The following MRPS5 variants were observed in gnomAD, a reference collection of about 807,000 sequenced individuals.
MRPS5 encodes small ribosomal subunit protein uS5m.
Under a neutral mutation model 51.9 loss-of-function variants are expected in MRPS5, and 27 were observed. The observed-to-expected ratio is 0.52, with a 90% CI of 0.38 to 0.72. The LOEUF (loss-of-function observed/expected upper bound fraction) is 0.72, where lower values mean the gene tolerates loss of function less well. Among genes scored for constraint, MRPS5 ranks in the 30% least tolerant of loss-of-function variants. The probability of loss-of-function intolerance (pLI) is 0.00; values close to 1 mark genes in which losing one functional copy is unlikely to be tolerated. For missense variants in MRPS5, 570 were observed against 545.7 expected (o/e 1.04, Z -0.44); for synonymous variants, 196 against 193.2 (o/e 1.01, Z -0.12).
chr2:95,085,656 G>A lies in MRPS5; in HGVS notation c.*1701C>T, dbSNP rs1430215009. 3.9e-5 allele frequency among the ~76,000 whole-genome samples: 6 copies of A among 152,048 alleles called. No homozygotes were observed. The highest frequency in any genetic ancestry group is 1.9e-4 in the East Asian group (1 of 5,184). ...GCAGAAAGGCCTCAGCAGAGGTCCCGAGGACAGCGACAGGAGGAAACCTGG... is the reference window on the plus strand; with the variant it reads ...GCAGAAAGGCCTCAGCAGAGGTCCCAAGGACAGCGACAGGAGGAAACCTGG... On this transcript the variant is annotated 3_prime_UTR_variant, in exon 12 of 12. Transcript: ENST00000272418.
chr2:95,087,079 C>T lies in MRPS5; in HGVS notation c.*278G>A, dbSNP rs941554851. 3.0e-6 allele frequency: 1 copy of T among 337,370 alleles called. No individual in the cohort carries two copies. The highest frequency in any genetic ancestry group is 2.1e-5 in the African/African-American group (1 of 47,392). The allele number at this position is 337,370 out of a possible 1,614,324, so 20.9% of individuals were successfully genotyped here. A position where few individuals can be genotyped will look rare whatever the true frequency, so the allele number is the denominator to read the frequency against. On this transcript the variant is annotated 3_prime_UTR_variant, in exon 12 of 12. Coordinates refer to ENST00000272418, the MANE Select transcript of MRPS5 (RefSeq NM_031902.5). ...TTGTGTACATTATTACTGATTGGGT[C>T]AAATTATTAACCCCGTCTCCCTAAT...
At chr2:95,100,749 C>T (rs1675771274) in intron 9 of MRPS5, 88 bp downstream of exon 9, 17 of 1,064,330 alleles carry the variant, frequency 1.6e-5, no homozygotes, top group Middle Eastern at 4.1e-4. Flanking sequence ...GAGAGAAACA[C>T]AAAGATACCT....
At chr2:95,115,425 G>A (rs969999748) in intron 2 of MRPS5, among the ~76,000 whole-genome samples, 2 of 152,176 alleles carry the variant, frequency 1.3e-5, no homozygotes, top group African/African-American at 2.4e-5. Flanking sequence ...CACAACGGGG[G>A]CAGCTGGGTA....
At chr2:95,120,037 AG>A (rs1477429766) in intron 1 of MRPS5, among the ~76,000 whole-genome samples, 1 of 152,236 alleles carries the variant, frequency 6.6e-6, no homozygotes, top group Admixed American at 6.5e-5. Context: ...CACTCCAGCC[AG>A]GGCGACAGAA....
At chr2:95,090,580 C>G in intron 10 of MRPS5, 58 bp from the exon 11 acceptor site, 1 of 1,606,336 alleles carries the variant, frequency 6.2e-7, no homozygotes, top group Non-Finnish European at 8.5e-7. Context: ...GGAGGAGTCA[C>G]CCTGCTGGCT....
chr2:95,116,603 A>G (rs560445322), intron 2 of MRPS5, among the ~76,000 whole-genome samples: 1 of 152,364 alleles, frequency 6.6e-6, no homozygotes, highest in East Asian at 1.9e-4. Context: ...ATGATCAATT[A>G]CCAGTTTTGG....
At chr2:95,097,775 G>A (rs1348234326) in intron 10 of MRPS5, among the ~76,000 whole-genome samples, 1 of 152,144 alleles carries the variant, frequency 6.6e-6, no homozygotes, top group African/African-American at 2.4e-5. Flanking sequence ...TACCATTCAG[G>A]TCATAGGCAT....
At chr2:95,106,936 C>T (rs1675967784) in intron 5 of MRPS5, among the ~76,000 whole-genome samples, 1 of 152,174 alleles carries the variant, frequency 6.6e-6, no homozygotes, top group East Asian at 1.9e-4. Flanking sequence ...TATGCATACA[C>T]AGGGCCCACT....
At chr2:95,104,789 G>A in intron 6 of MRPS5, 59 bp from the exon 7 acceptor site, 1 of 1,507,950 alleles carries the variant, frequency 6.6e-7, no homozygotes, top group South Asian at 1.2e-5. Flanking sequence ...GGAGGGAACT[G>A]GAGGGAGCCG....
chr2:95,094,207 AAAACCTCC>A (rs1240657139), intron 10 of MRPS5, among the ~76,000 whole-genome samples: 1 of 152,228 alleles, frequency 6.6e-6, no homozygotes, highest in Non-Finnish European at 1.5e-5. Context: ...AAAAACGAAC[AAAACCTCC>A]AAGAAATATG....
At position 95,090,541 on chromosome 2, in the gene MRPS5, G is replaced by C. The variant is rs1353361279; in HGVS notation, c.932-19C>G. 1 of 1,613,712 alleles carries C rather than the reference G, an allele frequency of 6.2e-7. No individual in the cohort carries two copies. Among genetic ancestry groups the C allele is most frequent in the Non-Finnish European group, 8.5e-7 (1 of 1,179,820 alleles). On this transcript the variant is annotated intron_variant, in intron 10 of 11. Coordinates refer to ENST00000272418, the MANE Select transcript of MRPS5 (RefSeq NM_031902.5). ...CCGTAACCTAGAAAAGGAGAAACCGGGTGAAACACAGCCCACTCGCCTGCA... is the reference window on the plus strand; with the variant it reads ...CCGTAACCTAGAAAAGGAGAAACCGCGTGAAACACAGCCCACTCGCCTGCA...
At chr2:95,093,597 G>A (rs1675532962) in intron 10 of MRPS5, 1 of 152,554 alleles carries the variant, frequency 6.6e-6, no homozygotes, top group African/African-American at 2.4e-5. Context: ...ACAGGGTCTG[G>A]AGTGGACCTC....
At chr2:95,113,535 A>C (rs902607498) in intron 3 of MRPS5, among the ~76,000 whole-genome samples, 2 of 152,234 alleles carry the variant, frequency 1.3e-5, no homozygotes, top group African/African-American at 4.8e-5. Flanking sequence ...AATCTGATAT[A>C]CCCACTAAAG....
chr2:95,097,620 T>C (rs1212736117), intron 10 of MRPS5, among the ~76,000 whole-genome samples: 3 of 152,200 alleles, frequency 2.0e-5, no homozygotes, highest in African/African-American at 7.2e-5. Flanking sequence ...ATTTAATAAA[T>C]GGTACTGGGA....
chr2:95,099,586 C>T (rs1269135191), intron 10 of MRPS5, among the ~76,000 whole-genome samples: 2 of 152,192 alleles, frequency 1.3e-5, no homozygotes, highest in Admixed American at 6.5e-5. Flanking sequence ...GCCAGGCCCG[C>T]TAGTGACTAG....
At position 95,097,800 on chromosome 2, in the gene MRPS5, TG is replaced by T. The variant is rs1163765175; in HGVS notation, c.931+2673del. ...GTCATAGGCATGGGCAAGGACTTCA[TG>T]ACTAAAACACCAAAAGCAATGGCAA... is the stretch of plus-strand genomic sequence containing the variant. On this transcript the variant is annotated intron_variant, in intron 10 of 11. Transcript: ENST00000272418. Among the ~76,000 whole-genome samples, 5 of 152,294 alleles carry T rather than the reference TG, an allele frequency of 3.3e-5. 1 individual carries two copies. In the East Asian group the frequency reaches 9.6e-4, roughly 29 times the overall value.
At chr2:95,098,921 A>AT (rs772096630) in intron 10 of MRPS5, among the ~76,000 whole-genome samples, 11,862 of 140,996 alleles carry the variant, frequency 0.084, 589 homozygotes, top group East Asian at 0.12. Context: ...TATTATTATT[A>AT]TTTTTTTTTT....
chr2:95,099,877 T>C (rs1196620350), intron 10 of MRPS5, among the ~76,000 whole-genome samples: 9 of 152,252 alleles, frequency 5.9e-5, no homozygotes, highest in African/African-American at 1.9e-4. Flanking sequence ...GAGACTTATA[T>C]ACCAAAAGTT....
At chr2:95,100,758 C>T (rs1241116148) in intron 9 of MRPS5, 79 bp downstream of exon 9, 2 of 1,105,644 alleles carry the variant, frequency 1.8e-6, no homozygotes, top group Non-Finnish European at 2.6e-6. Context: ...ACAAAGATAC[C>T]TATAGAGATA....
Sources: allele counts gnomAD v4.1 joint callset (sites outside exome capture counted in the v4.1 genomes callset), GRCh38; gene constraint gnomAD v4.1.1; transcripts MANE v1.5; gene names NCBI Gene and HGNC (gene_info 2026-07-23, HGNC 2026-07-21).